The following GCNT1 variants were observed in gnomAD, a reference collection of about 807,000 sequenced individuals.
The protein encoded by GCNT1 is glucosaminyl (N-acetyl) transferase 1, also known as beta-1,3-galactosyl-O-glycosyl-glycoprotein beta-1,6-N-acetylglucosaminyltransferase.
Under a neutral mutation model 26.2 loss-of-function variants are expected in GCNT1, and 16 were observed. The observed-to-expected ratio is 0.61, with a 90% confidence interval of 0.41 to 0.93. The LOEUF is 0.93. GCNT1 is among the 40% of genes least tolerant of loss of function. The pLI is 0.00. For missense variants in GCNT1, 477 were observed against 526.7 expected (o/e 0.91, Z 0.92); for synonymous variants, 183 against 190.8 (o/e 0.96, Z 0.34).
At chr9:76,466,978 T>A (rs1455450035) in intron 2 of GCNT1, among the ~76,000 whole-genome samples, 1 of 152,156 alleles carries the variant, frequency 6.6e-6, no homozygotes, top group East Asian at 1.9e-4. Context: ...CCACTTTTTC[T>A]ACAAATTGCT....
At position 76,459,260 on chromosome 9, in the gene GCNT1, C is replaced by G. The variant is rs1409147780; in HGVS notation, c.-453C>G. 2 of 152,622 alleles carry G rather than the reference C, an allele frequency of 1.3e-5. No homozygotes were observed. Among genetic ancestry groups the G allele is most frequent in the African/African-American group, 4.8e-5 (2 of 41,468 alleles). 9.5% of individuals were successfully genotyped at this position (152,622 alleles called of 1,614,324 possible). On this transcript the variant is annotated 5_prime_UTR_variant, in exon 1 of 4. Transcript: ENST00000376730. ...GGGCGGGAGCTTGGTGGAGCAGGAG[C>G]GGCTGGGCATCCTCCTGAGACTCCG...
At chr9:76,405,639 A>G in the GCNT1 span, among the ~76,000 whole-genome samples, 1 of 152,230 alleles carries the variant, frequency 6.6e-6, no homozygotes, top group African/African-American at 2.4e-5. Flanking sequence ...TTGGAATTAT[A>G]AAAGATGTAG....
chr9:76,425,286 G>A (rs113226880), intron 1 of GCNT1, among the ~76,000 whole-genome samples: 12 of 151,560 alleles, frequency 7.9e-5, no homozygotes, highest in African/African-American at 2.2e-4. Flanking sequence ...GCAATGGCAC[G>A]ATCTTGGCTC....
chr9:76,471,554 G>T (rs1193394678), intron 2 of GCNT1, among the ~76,000 whole-genome samples: 1 of 152,132 alleles, frequency 6.6e-6, no homozygotes, highest in Non-Finnish European at 1.5e-5. Context: ...CACCAATTTT[G>T]TTGTTGATTA....
chr9:76,507,360 C>T lies in GCNT1; in HGVS notation c.*3692C>T, dbSNP rs1253955231. On this transcript the variant is annotated 3_prime_UTR_variant, in exon 4 of 4. Coordinates refer to ENST00000376730, the MANE Select transcript of GCNT1 (RefSeq NM_001490.5). Reference sequence around the variant, plus strand: ...TTTACTCTTTTGAATGAGGGTGCGACAGAATGCAGTTAGAATCAGTTCATA... The same window carrying T: ...TTTACTCTTTTGAATGAGGGTGCGATAGAATGCAGTTAGAATCAGTTCATA... 1 of 166,968 alleles carries T rather than the reference C, an allele frequency of 6.0e-6. No individual in the cohort carries two copies. The highest frequency in any genetic ancestry group is 1.5e-5 in the Non-Finnish European group (1 of 68,108). 10.3% of individuals were successfully genotyped at this position (166,968 alleles called of 1,614,324 possible). A position where few individuals can be genotyped will look rare whatever the true frequency, so the allele number is the denominator to read the frequency against.
the GCNT1 span, chr9:76,398,672 G>A: frequency 1.3e-4 from 141 of 1,079,060 alleles, no homozygotes; most frequent in African/African-American, 2.7e-4. Context: ...CTGGATTCCC[G>A]TCGTAACTTA....
intron 2 of GCNT1, among the ~76,000 whole-genome samples, chr9:76,488,125 C>A (rs570922894): frequency 6.6e-6 from 1 of 152,286 alleles, no homozygotes; most frequent in African/African-American, 2.4e-5. Flanking sequence ...CTTAGTTTCC[C>A]CCCTCCCCTG....
At position 76,493,338 on chromosome 9, in the gene GCNT1, C is replaced by T. The variant is rs143639234; in HGVS notation, c.-289-7578C>T. ...AAGATACCAGGTATCTCCAAACTCT[C>T]GGGCTGCAGCTGAAGCCACATTCCT... On this transcript the variant is annotated intron_variant, in intron 2 of 3. Coordinates refer to ENST00000376730, the MANE Select transcript of GCNT1 (RefSeq NM_001490.5). Among the ~76,000 whole-genome samples the T allele has an allele frequency of 6.1e-3, 922 of 152,300 alleles. 6 individuals are homozygous for T. The highest frequency in any genetic ancestry group is 0.014 in the African/African-American group (573 of 41,556).
At chr9:76,396,750 A>G in the GCNT1 span, among the ~76,000 whole-genome samples, 49,429 of 152,108 alleles carry the variant, frequency 0.32, 8,533 homozygotes, top group Non-Finnish European at 0.38. Flanking sequence ...GCCGAGGCAC[A>G]AGAGTCGCTC....
chr9:76,477,917 G>T (rs574416074), intron 2 of GCNT1, among the ~76,000 whole-genome samples: 3 of 152,330 alleles, frequency 2.0e-5, no homozygotes, highest in African/African-American at 7.2e-5. Flanking sequence ...GTTGAGTGGG[G>T]ACTTGGAGAA....
chr9:76,484,936 G>A (rs1406164187), intron 2 of GCNT1, among the ~76,000 whole-genome samples: 3 of 151,288 alleles, frequency 2.0e-5, no homozygotes, highest in African/African-American at 7.3e-5. Flanking sequence ...CTACAGACTC[G>A]TGCCACCACA....
At chr9:76,467,622 G>T (rs1234230138) in intron 2 of GCNT1, among the ~76,000 whole-genome samples, 1 of 152,146 alleles carries the variant, frequency 6.6e-6, no homozygotes, top group African/African-American at 2.4e-5. Flanking sequence ...AGAGCTACTT[G>T]CCTGTTGAGT....
In GCNT1 at chr9:76,505,324, T is replaced by C. The variant is rs184445502; in HGVS notation, c.*1656T>C. On this transcript the variant is annotated 3_prime_UTR_variant, in exon 4 of 4. Coordinates refer to ENST00000376730, the MANE Select transcript of GCNT1 (RefSeq NM_001490.5). ...CATCATTTGTAAATGTGGAAGTTGG[T>C]GGATTGCTGTGTTTTTGCATGATTA... is the stretch of plus-strand genomic sequence containing the variant. 10 of 173,878 alleles carry C rather than the reference T, an allele frequency of 5.8e-5. No homozygotes were observed. Among genetic ancestry groups the C allele is most frequent in the Non-Finnish European group, 1.4e-4 (10 of 72,882 alleles). The allele number at this position is 173,878 out of a possible 1,614,324, so 10.8% of individuals were successfully genotyped here.
intron 2 of GCNT1, among the ~76,000 whole-genome samples, chr9:76,482,277 A>G (rs1443433474): frequency 6.6e-6 from 1 of 152,036 alleles, no homozygotes; most frequent in Non-Finnish European, 1.5e-5. Flanking sequence ...TCCATTGTCC[A>G]TTAGAAATAT....
chr9:76,413,653 G>GTTTTTTTTTTTTTTGTTTTTTTTTTT, the GCNT1 span, among the ~76,000 whole-genome samples: 2 of 118,664 alleles, frequency 1.7e-5, no homozygotes, highest in Non-Finnish European at 1.8e-5. Context: ...GTTTTGTTTT[G>GTTTTTTTTTTTTTTGTTTTTTTTTTT]TTTTTTTTTT....
At chr9:76,429,551 A>G (rs956462285) in intron 1 of GCNT1, among the ~76,000 whole-genome samples, 3 of 152,090 alleles carry the variant, frequency 2.0e-5, no homozygotes, top group African/African-American at 7.2e-5. Flanking sequence ...GATCTTGGCC[A>G]GGACTGGATT....
chr9:76,413,920 A>T, the GCNT1 span, among the ~76,000 whole-genome samples: 2 of 150,696 alleles, frequency 1.3e-5, no homozygotes. Flanking sequence ...TTTGCTTTTC[A>T]GTTTTGGAAG....
At chr9:76,435,391 A>T (rs956633762) in intron 1 of GCNT1, among the ~76,000 whole-genome samples, 1 of 152,150 alleles carries the variant, frequency 6.6e-6, no homozygotes, top group Non-Finnish European at 1.5e-5. Flanking sequence ...CAGTTCCCCC[A>T]CTGGTCCCAA....
chr9:76,421,600 C>CAAAA (rs1231879648), intron 1 of GCNT1, among the ~76,000 whole-genome samples: 50 of 57,080 alleles, frequency 8.8e-4, no homozygotes, highest in Non-Finnish European at 1.2e-3. Flanking sequence ...GGCCCTGTCT[C>CAAAA]AAAAAAAAAA....
Sources: gnomAD v4.1 joint callset for allele counts (sites outside exome capture counted in the v4.1 genomes callset) on GRCh38, gnomAD v4.1.1 for gene constraint, MANE v1.5 for transcripts, NCBI Gene and HGNC (gene_info 2026-07-23, HGNC 2026-07-21) for gene names.